The following BLNK variants were observed in gnomAD, a reference collection of about 807,000 sequenced individuals.
The protein encoded by BLNK is B-cell linker protein.
A neutral mutation model predicts 73.5 loss-of-function variants in BLNK; 29 were observed. That is an observed-to-expected ratio of 0.39 (90% CI 0.29 to 0.54). The LOEUF (loss-of-function observed/expected upper bound fraction) is 0.54. BLNK is among the 20% of genes least tolerant of loss of function. The probability of loss-of-function intolerance (pLI) is 0.61; values close to 1 mark genes in which losing one functional copy is unlikely to be tolerated. For missense variants in BLNK, 460 were observed against 562.8 expected (o/e 0.82, Z 1.85); for synonymous variants, 176 against 200.8 (o/e 0.88, Z 1.04).
intron 15 of BLNK, among the ~76,000 whole-genome samples, chr10:96,199,329 G>A (rs1032245103): frequency 1.2e-4 from 19 of 152,156 alleles, no homozygotes; most frequent in African/African-American, 1.4e-4. Flanking sequence ...TTGAAGTTGG[G>A]CTCTCCAAAC....
Position 96,261,542 on chromosome 10 carries a change from A to T in BLNK, c.47+9810T>A, listed in dbSNP as rs147948872. 1.6e-3 allele frequency among the ~76,000 whole-genome samples: 250 copies of T among 152,342 alleles called. 1 individual carries two copies. Among genetic ancestry groups the T allele is most frequent in the South Asian group, 8.5e-3 (41 of 4,824 alleles). ...GGTAGCATCGGGTATATTAAGCCCA[A>T]TCATCTAAGATCGGTTTGGCAACTG... On this transcript the variant is annotated intron_variant, in intron 1 of 16. Transcript: ENST00000224337.
intron 7 of BLNK, 132 bp downstream of exon 7, chr10:96,216,521 C>T: frequency 1.3e-6 from 1 of 780,200 alleles, no homozygotes; most frequent in African/African-American, 1.7e-5. Context: ...CAAAGAAGCA[C>T]ACACTGTGGC....
chr10:96,260,256 C>T (rs1306144330), intron 1 of BLNK, among the ~76,000 whole-genome samples: 1 of 152,176 alleles, frequency 6.6e-6, no homozygotes, highest in Non-Finnish European at 1.5e-5. Context: ...GAGGTCATGT[C>T]ATTTAGTCCC....
At chr10:96,243,358 A>G (rs1842936945) in intron 2 of BLNK, among the ~76,000 whole-genome samples, 1 of 152,134 alleles carries the variant, frequency 6.6e-6, no homozygotes, top group Admixed American at 6.6e-5. Context: ...CAGCCTGGGT[A>G]ACATAGTGAG....
intron 16 of BLNK, among the ~76,000 whole-genome samples, chr10:96,192,850 C>T (rs911183335): frequency 2.0e-5 from 3 of 152,162 alleles, no homozygotes; most frequent in Admixed American, 2.0e-4. Context: ...CAAGTTCACA[C>T]TCATTAAATG....
chr10:96,261,199 C>T (rs977063205), intron 1 of BLNK, among the ~76,000 whole-genome samples: 7 of 152,138 alleles, frequency 4.6e-5, no homozygotes, highest in African/African-American at 1.7e-4. Context: ...AAAATACACT[C>T]ATTTATGGTA....
At chr10:96,219,168 T>G (rs1306401619) in intron 6 of BLNK, among the ~76,000 whole-genome samples, 1 of 152,248 alleles carries the variant, frequency 6.6e-6, no homozygotes, top group Non-Finnish European at 1.5e-5. Flanking sequence ...CTTCTCCTTC[T>G]CTGTGTTTGT....
intron 1 of BLNK, among the ~76,000 whole-genome samples, chr10:96,249,916 G>A (rs1248535247): frequency 6.6e-6 from 1 of 152,218 alleles, no homozygotes; most frequent in Non-Finnish European, 1.5e-5. Context: ...GGGAGGACAG[G>A]CTGGAGTGTG....
chr10:96,217,107 A>G (rs944017278), intron 6 of BLNK, among the ~76,000 whole-genome samples: 5 of 152,132 alleles, frequency 3.3e-5, no homozygotes, highest in Admixed American at 3.3e-4. Context: ...ACTTAGTATA[A>G]TGTTTTCAAG....
At chr10:96,240,615 G>A (rs1465980457) in intron 3 of BLNK, among the ~76,000 whole-genome samples, 1 of 152,070 alleles carries the variant, frequency 6.6e-6, no homozygotes, top group Non-Finnish European at 1.5e-5. Flanking sequence ...ATAGACATAG[G>A]AAGTCACAAG....
intron 1 of BLNK, among the ~76,000 whole-genome samples, chr10:96,247,356 C>G (rs570814234): frequency 6.6e-6 from 1 of 152,252 alleles, no homozygotes; most frequent in South Asian, 2.1e-4. Context: ...ATCTACGTTA[C>G]GAAGATAGAT....
intron 1 of BLNK, among the ~76,000 whole-genome samples, chr10:96,260,433 G>A (rs952176479): frequency 6.6e-6 from 1 of 152,204 alleles, no homozygotes. Context: ...CTGAGAAGTA[G>A]TTCTAGTCAT....
intron 13 of BLNK, 126 bp downstream of exon 13, chr10:96,203,931 A>G (rs2083724623): frequency 1.4e-6 from 1 of 717,486 alleles, no homozygotes; most frequent in Non-Finnish European, 2.5e-6. Context: ...TAAGGAAACA[A>G]GTGGGAGAAG....
chr10:96,263,377 G>A (rs1449248197), intron 1 of BLNK, among the ~76,000 whole-genome samples: 1 of 152,196 alleles, frequency 6.6e-6, no homozygotes, highest in African/African-American at 2.4e-5. Context: ...ATGCTCCTGG[G>A]GTAATGAGAG....
At chr10:96,209,706 C>T (rs2083902840) in intron 9 of BLNK, 132 bp downstream of exon 9, 2 of 1,125,384 alleles carry the variant, frequency 1.8e-6, no homozygotes, top group South Asian at 2.5e-5. Context: ...TTGATGTTAG[C>T]AGGGCTCCTT....
intron 11 of BLNK, 68 bp from the exon 12 acceptor site, chr10:96,204,684 C>T (rs1564817077): frequency 1.3e-6 from 2 of 1,518,414 alleles, no homozygotes; most frequent in East Asian, 4.5e-5. Flanking sequence ...AACCCAGCAA[C>T]ATCAGCTGAG....
At chr10:96,220,030 A>G (rs1302354136) in intron 6 of BLNK, among the ~76,000 whole-genome samples, 1 of 152,094 alleles carries the variant, frequency 6.6e-6, no homozygotes, top group Non-Finnish European at 1.5e-5. Context: ...TTTGTATAAT[A>G]AGATTAGGGT....
At chr10:96,248,249 A>G (rs1843131682) in intron 1 of BLNK, among the ~76,000 whole-genome samples, 1 of 152,246 alleles carries the variant, frequency 6.6e-6, no homozygotes, top group Non-Finnish European at 1.5e-5. Flanking sequence ...AACTACGATT[A>G]TTTTTGCACC....
chr10:96,269,425 A>C lies in BLNK; in HGVS notation c.47+1927T>G, dbSNP rs570531438. Among the ~76,000 whole-genome samples, 373 of 152,204 alleles carry C rather than the reference A, an allele frequency of 2.5e-3. 4 individuals are homozygous for C. The highest frequency in any genetic ancestry group is 6.8e-3 in the Middle Eastern group (2 of 294). On this transcript the variant is annotated intron_variant, in intron 1 of 16. Coordinates refer to ENST00000224337, the MANE Select transcript of BLNK (RefSeq NM_013314.4). ...ATTATGGAATATGTCTGAAAACAAA[A>C]AAAAAAAAACATTTGGAATCCTCCT...
Sources: gnomAD v4.1 joint callset for allele counts (sites outside exome capture counted in the v4.1 genomes callset) on GRCh38, gnomAD v4.1.1 for gene constraint, MANE v1.5 for transcripts, NCBI Gene and HGNC (gene_info 2026-07-23, HGNC 2026-07-21) for gene names.